Variants in CMTM7 observed in about 807,000 individuals in gnomAD.
The protein encoded by CMTM7 is CKLF like MARVEL transmembrane domain containing 7, also known as CKLF-like MARVEL transmembrane domain-containing protein 7.
CMTM7 carries 7 observed loss-of-function variants against 19.3 expected under a neutral mutation model. The ratio of observed to expected loss-of-function variants is 0.36; its 90% CI spans 0.21 to 0.68. The LOEUF is 0.68. Among genes scored for constraint, CMTM7 ranks in the 30% least tolerant of loss-of-function variants. The pLI, the probability that CMTM7 is intolerant of heterozygous loss-of-function variation, is 0.60. For synonymous variants in CMTM7, 87 were observed against 99.3 expected, an observed-to-expected ratio of 0.88 and a Z score of 0.74; for missense variants, 193 against 232.6, an observed-to-expected ratio of 0.83 and a Z score of 1.11.
chr3:32,428,860 G>A (rs868673882), intron 1 of CMTM7, among the ~76,000 whole-genome samples: 8 of 152,178 alleles, frequency 5.3e-5, no homozygotes, highest in South Asian at 2.1e-4. Context: ...GTGGAAAGCC[G>A]CAGATAACAG....
chr3:32,406,752 G>T (rs1026026639), intron 1 of CMTM7, among the ~76,000 whole-genome samples: 2 of 152,156 alleles, frequency 1.3e-5, no homozygotes, highest in Non-Finnish European at 2.9e-5. Flanking sequence ...AGTAAGCAAG[G>T]GTAGAAAGAG....
At chr3:32,418,851 G>T (rs1482980296) in intron 1 of CMTM7, among the ~76,000 whole-genome samples, 1 of 152,054 alleles carries the variant, frequency 6.6e-6, no homozygotes, top group African/African-American at 2.4e-5. Flanking sequence ...AGTTGTTTTT[G>T]GTTATTCTCA....
chr3:32,448,247 G>T (rs1000396863), intron 2 of CMTM7, among the ~76,000 whole-genome samples: 8 of 152,198 alleles, frequency 5.3e-5, no homozygotes, highest in African/African-American at 1.9e-4. Context: ...AATCTTGGAG[G>T]TGGGGAACTT....
intron 2 of CMTM7, among the ~76,000 whole-genome samples, chr3:32,443,641 C>T (rs1669622520): frequency 6.6e-6 from 1 of 152,168 alleles, no homozygotes; most frequent in African/African-American, 2.4e-5. Context: ...GAGGAACCGC[C>T]AGACTGTATG....
chr3:32,432,098 T>C (rs1315014313), intron 1 of CMTM7, among the ~76,000 whole-genome samples: 2 of 152,250 alleles, frequency 1.3e-5, no homozygotes, highest in Non-Finnish European at 2.9e-5. Context: ...CTGGATTTGC[T>C]TCTTGGTTCC....
chr3:32,442,098 T>A, intron 2 of CMTM7, 85 bp downstream of exon 2: 1 of 1,246,702 alleles, frequency 8.0e-7, no homozygotes, highest in Non-Finnish European at 1.1e-6. Context: ...GTTTTTCCCG[T>A]CTGCCCATCT....
rs146140935 is a variant in CMTM7 at position 32,403,795 on chromosome 3, A to G, written c.159+11730A>G. On this transcript the variant is annotated intron_variant, in intron 1 of 4. Coordinates refer to ENST00000334983, the MANE Select transcript of CMTM7 (RefSeq NM_138410.4). ...ATTCAGTCCATTATTTGGTCGTACT[A>G]TATAATTTGTTCATTTGGCTCTTCC... Among the ~76,000 whole-genome samples, 266 of 152,240 alleles carry G rather than the reference A, an allele frequency of 1.7e-3. 1 individual carries two copies. The highest frequency in any genetic ancestry group is 5.9e-3 in the African/African-American group (244 of 41,532).
chr3:32,417,201 A>T (rs1031500551), intron 1 of CMTM7, among the ~76,000 whole-genome samples: 19 of 152,124 alleles, frequency 1.2e-4, no homozygotes, highest in Non-Finnish European at 2.6e-4. Context: ...ATCACCCTAA[A>T]TTCCCTCATG....
intron 1 of CMTM7, among the ~76,000 whole-genome samples, chr3:32,400,975 G>T (rs1001640789): frequency 6.6e-6 from 1 of 152,156 alleles, no homozygotes; most frequent in Non-Finnish European, 1.5e-5. Flanking sequence ...TTCTTAGGTG[G>T]CTGGCATAAA....
At chr3:32,396,190 G>C (rs1177084498) in intron 1 of CMTM7, among the ~76,000 whole-genome samples, 1 of 152,074 alleles carries the variant, frequency 6.6e-6, no homozygotes, top group Non-Finnish European at 1.5e-5. Flanking sequence ...GTTTCTTTAG[G>C]GGGTGATGAA....
At chr3:32,410,144 C>T (rs1264767628) in intron 1 of CMTM7, among the ~76,000 whole-genome samples, 1 of 152,196 alleles carries the variant, frequency 6.6e-6, no homozygotes, top group Non-Finnish European at 1.5e-5. Flanking sequence ...TAGTCCCCTG[C>T]ACCACCCTGC....
rs58085712 is a variant in CMTM7 at position 32,416,361 on chromosome 3, A to ATTTT, written c.159+24329_159+24332dup. 1.0e-3 allele frequency among the ~76,000 whole-genome samples: 76 copies of ATTTT among 72,414 alleles called. 6 individuals carry two copies. The highest frequency in any genetic ancestry group is 4.4e-3 in the African/African-American group (74 of 17,004). The allele number at this position is 72,414 out of a possible 152,430, so 47.5% of individuals were successfully genotyped here. On this transcript the variant is annotated intron_variant, in intron 1 of 4. Coordinates refer to ENST00000334983, the MANE Select transcript of CMTM7 (RefSeq NM_138410.4). ...CAGACGTGCGCCACCATCCGGGCTA[A>ATTTT]TTTTTTTTTTTTTTTTTTTTTTTTT...
At chr3:32,416,375 T>A (rs1484950192) in intron 1 of CMTM7, among the ~76,000 whole-genome samples, 1 of 92,792 alleles carries the variant, frequency 1.1e-5, no homozygotes, top group Middle Eastern at 4.5e-3. Flanking sequence ...TTTTTTTTTT[T>A]TTTTTTTTTT....
chr3:32,432,605 A>G (rs1282005247), intron 1 of CMTM7, among the ~76,000 whole-genome samples: 1 of 152,232 alleles, frequency 6.6e-6, no homozygotes, highest in East Asian at 1.9e-4. Context: ...CACTAGTTGT[A>G]GGATCAGCTC....
At chr3:32,393,361 A>C (rs1695867377) in intron 1 of CMTM7, among the ~76,000 whole-genome samples, 1 of 152,204 alleles carries the variant, frequency 6.6e-6, no homozygotes, top group Admixed American at 6.5e-5. Context: ...TTTTTGGCCC[A>C]GGCTAAGAGA....
rs1357754235 is a variant in CMTM7 at position 32,391,936 on chromosome 3, C to T, written c.30C>T (p.Thr10=). 1.1e-5 allele frequency: 13 copies of T among 1,228,524 alleles called. No homozygotes were observed. The highest frequency in any genetic ancestry group is 1.2e-5 in the Non-Finnish European group (12 of 985,594). 76.1% of individuals were successfully genotyped at this position (1,228,524 alleles called of 1,614,324 possible). A position where few individuals can be genotyped will look rare whatever the true frequency, so the allele number is the denominator to read the frequency against. Residue 10 remains threonine, a synonymous_variant, in exon 1 of 5, where the codon ACC becomes ACT. Transcript: ENST00000334983. ...CGCACGGAGCCGGGCTCGTCCGCAC[C>T]ACGTGCAGCAGCGGCAGCGCGCTCG... MSHGAGLVR[T]TCSSGSALGP... is the part of the protein sequence containing the mutation.
At chr3:32,394,738 C>T (rs1045556894) in intron 1 of CMTM7, among the ~76,000 whole-genome samples, 1 of 152,116 alleles carries the variant, frequency 6.6e-6, no homozygotes, top group Non-Finnish European at 1.5e-5. Context: ...GCTCTGTCAC[C>T]AGGCTGGAGT....
chr3:32,445,619 C>T (rs1696742910), intron 2 of CMTM7, among the ~76,000 whole-genome samples: 3 of 151,882 alleles, frequency 2.0e-5, no homozygotes, highest in Admixed American at 6.6e-5. Flanking sequence ...CTCAAGCGAT[C>T]CTCCCACCTC....
rs149231526 is a variant in CMTM7 at position 32,418,277 on chromosome 3, T to G, written c.160-23563T>G. On this transcript the variant is annotated intron_variant, in intron 1 of 4. Coordinates refer to ENST00000334983, the MANE Select transcript of CMTM7 (RefSeq NM_138410.4). ...GCTTGTTGGTTTTTTATTTTTAGGT[T>G]TTGAGTATTGTTCGTATATTCTGGA... 4.6e-3 allele frequency among the ~76,000 whole-genome samples: 704 copies of G among 152,350 alleles called. 4 individuals carry two copies. The highest frequency in any genetic ancestry group is 0.016 in the African/African-American group (673 of 41,576).
Sources: allele counts gnomAD v4.1 joint callset (sites outside exome capture counted in the v4.1 genomes callset), GRCh38; gene constraint gnomAD v4.1.1; transcripts MANE v1.5; gene names NCBI Gene and HGNC (gene_info 2026-07-23, HGNC 2026-07-21).